Variants in LRRC9 observed in about 807,000 individuals in gnomAD.
LRRC9 encodes the protein leucine-rich repeat-containing protein 9.
In LRRC9, 122 loss-of-function variants were observed where a neutral mutation model predicts 63.2. The observed-to-expected ratio is 1.93, with a 90% confidence interval of 1.67 to 2.24. The LOEUF is 2.24. Ranked by LOEUF, LRRC9 falls within the 30% of genes most tolerant of loss-of-function variation. The pLI is 0.00. For missense variants in LRRC9, 1,071 were observed against 627.7 expected (o/e 1.71, Z -7.55); for synonymous variants, 366 against 213.1 (o/e 1.72, Z -6.25).
chr14:60,024,452 T>G (rs973048114), intron 27 of LRRC9, among the ~76,000 whole-genome samples: 1 of 152,006 alleles, frequency 6.6e-6, no homozygotes, highest in African/African-American at 2.4e-5. Context: ...CTAACAATAA[T>G]TTTTAATGGC....
intron 1 of LRRC9, among the ~76,000 whole-genome samples, chr14:59,924,309 G>A (rs35410630): frequency 0.22 from 34,198 of 152,066 alleles, 4,280 homozygotes; most frequent in East Asian, 0.49. Flanking sequence ...TAAACCTGGA[G>A]AGGTAAGACT....
intron 12 of LRRC9, among the ~76,000 whole-genome samples, chr14:59,967,766 C>T (rs1429113463): frequency 6.6e-6 from 1 of 151,980 alleles, no homozygotes; most frequent in Non-Finnish European, 1.5e-5. Flanking sequence ...GCTTCCCAAC[C>T]TTTTTCACAT....
At chr14:59,970,221 G>A (rs1024963708) in intron 12 of LRRC9, among the ~76,000 whole-genome samples, 1 of 151,176 alleles carries the variant, frequency 6.6e-6, no homozygotes, top group African/African-American at 2.4e-5. Context: ...AGTATTTTGG[G>A]TTTCTGTTCC....
chr14:60,047,211 T>C (rs1261485607), intron 29 of LRRC9, among the ~76,000 whole-genome samples: 1 of 152,194 alleles, frequency 6.6e-6, no homozygotes, highest in Non-Finnish European at 1.5e-5. Flanking sequence ...CAAACAAACA[T>C]AGTCGGAATT....
At chr14:59,952,605 T>G (rs924003107) in intron 8 of LRRC9, among the ~76,000 whole-genome samples, 2 of 152,240 alleles carry the variant, frequency 1.3e-5, no homozygotes, top group African/African-American at 4.8e-5. Context: ...ATATTTTCCC[T>G]TATAGAGTAC....
chr14:59,989,215 T>G (rs1887797604), intron 17 of LRRC9, among the ~76,000 whole-genome samples: 1 of 152,100 alleles, frequency 6.6e-6, no homozygotes, highest in Non-Finnish European at 1.5e-5. Flanking sequence ...GGAAAGATGT[T>G]TTAAATTTGA....
At chr14:59,955,082 A>C (rs1883589239) in intron 8 of LRRC9, among the ~76,000 whole-genome samples, 1 of 152,194 alleles carries the variant, frequency 6.6e-6, no homozygotes, top group African/African-American at 2.4e-5. Context: ...AATGTTCATC[A>C]GGGTTATTGG....
intron 29 of LRRC9, among the ~76,000 whole-genome samples, chr14:60,040,531 T>G (rs1011625144): frequency 3.3e-5 from 5 of 151,952 alleles, no homozygotes; most frequent in Non-Finnish European, 7.3e-5. Context: ...TCTTTGTCTA[T>G]TCTGATCTTT....
intron 30 of LRRC9, among the ~76,000 whole-genome samples, chr14:60,056,462 T>C (rs1894288930): frequency 6.6e-6 from 1 of 152,186 alleles, no homozygotes; most frequent in South Asian, 2.1e-4. Context: ...AATACTTTAC[T>C]AAAGGGTTTG....
intron 10 of LRRC9, among the ~76,000 whole-genome samples, chr14:59,965,840 G>C (rs1441562047): frequency 7.9e-6 from 1 of 125,790 alleles, no homozygotes; most frequent in African/African-American, 3.0e-5. Context: ...TGGAGATGGC[G>C]CCCCTGCACT....
Position 59,990,718 on chromosome 14 carries a change from T to A in LRRC9, c.2211+5494T>A, listed in dbSNP as rs1887994522. Among the ~76,000 whole-genome samples, 1 of 152,218 alleles carries A rather than the reference T, an allele frequency of 6.6e-6. No individual in the cohort carries two copies. ...CCACTGTACCAGGCCCCTTCAGACC[T>A]TTTTACTGTGGATCCCATGAACTCA... On this transcript the variant is annotated intron_variant, in intron 17 of 31. Coordinates refer to ENST00000445360, the Ensembl canonical transcript of LRRC9. This position sits in a 1 kb window ranked among gnomAD's most constrained non-coding sequence, Gnocchi z 4.2.
intron 27 of LRRC9, among the ~76,000 whole-genome samples, chr14:60,023,945 C>CT (rs57648004): frequency 0.85 from 129,480 of 152,050 alleles, 55,542 homozygotes; most frequent in Non-Finnish European, 0.9. Flanking sequence ...TGGTTTCCAG[C>CT]TCATCCATGT....
At position 59,962,118 on chromosome 14, in the gene LRRC9, T is replaced by TTTTACTCA. The variant is rs1355524563; in HGVS notation, c.1211+1073_1211+1074insTTTACTCA. Among the ~76,000 whole-genome samples, 10 of 152,332 alleles carry TTTTACTCA rather than the reference T, an allele frequency of 6.6e-5. No individual in the cohort carries two copies. Among genetic ancestry groups the TTTTACTCA allele is most frequent in the Non-Finnish European group, 1.3e-4 (9 of 68,032 alleles). On this transcript the variant is annotated intron_variant, in intron 10 of 31. Transcript: ENST00000445360. This position sits in a 1 kb window ranked among gnomAD's most constrained non-coding sequence, Gnocchi z 5.1. Reference sequence around the variant, plus strand: ...AGACATGGCTTTTTTCTCACCTCTGTGAGTAAAAGCTTCTCAAAGGTCTTG... The same window carrying TTTTACTCA: ...AGACATGGCTTTTTTCTCACCTCTGTTTTACTCAGAGTAAAAGCTTCTCAAAGGTCTTG...
chr14:60,036,836 T>C (rs1271002018), intron 29 of LRRC9, among the ~76,000 whole-genome samples: 9 of 152,138 alleles, frequency 5.9e-5, no homozygotes, highest in Admixed American at 5.9e-4. Context: ...TACATATGTA[T>C]ACATGCGCCA....
intron 29 of LRRC9, among the ~76,000 whole-genome samples, chr14:60,043,734 C>T (rs1026968559): frequency 2.4e-4 from 33 of 140,002 alleles, no homozygotes; most frequent in Admixed American, 1.6e-3. Context: ...CATCAGTGAG[C>T]GTAGCCTGTA....
At chr14:60,022,625 T>G in intron 26 of LRRC9, 109 bp from the exon 27 acceptor site, 1 of 408,182 alleles carries the variant, frequency 2.4e-6, no homozygotes, top group Admixed American at 4.2e-5. Context: ...ATTAATAAAT[T>G]TATATTTTCT....
chr14:60,063,174 T>C, intron 31 of LRRC9, 149 bp from the exon 33 acceptor site: 1 of 577,452 alleles, frequency 1.7e-6, no homozygotes, highest in East Asian at 3.0e-5. Flanking sequence ...GGATTACAGG[T>C]GTGAGCCACC....
chr14:59,976,435 C>T (rs1192183949), intron 13 of LRRC9, among the ~76,000 whole-genome samples: 1 of 152,074 alleles, frequency 6.6e-6, no homozygotes, highest in African/African-American at 2.4e-5. Context: ...TTCTAGGTTC[C>T]AGATTGCTAA....
chr14:60,009,304 C>A (rs1890065621), intron 23 of LRRC9, among the ~76,000 whole-genome samples: 1 of 152,202 alleles, frequency 6.6e-6, no homozygotes, highest in Admixed American at 6.5e-5. Flanking sequence ...ACTCACAGTT[C>A]CACATGGCTG....
Sources: allele counts gnomAD v4.1 joint callset (sites outside exome capture counted in the v4.1 genomes callset), GRCh38; gene constraint gnomAD v4.1.1; non-coding constraint Gnocchi (gnomAD v3.1); transcripts MANE v1.5; gene names NCBI Gene and HGNC (gene_info 2026-07-23, HGNC 2026-07-21).